NRG1: variants seen among roughly 807,000 people sequenced by gnomAD.
NRG1 encodes neuregulin 1.
A neutral mutation model predicts 63.8 loss-of-function variants in NRG1; 18 were observed. The ratio of observed to expected loss-of-function variants is 0.28; its 90% confidence interval spans 0.19 to 0.42. The LOEUF is 0.42. Among genes scored for constraint, NRG1 ranks in the 10% least tolerant of loss-of-function variants. The pLI, the probability that NRG1 is intolerant of heterozygous loss-of-function variation, is 1.00. For missense variants in NRG1, 762 were observed against 814.7 expected, an observed-to-expected ratio of 0.94 and a Z score of 0.79; for synonymous variants, 302 against 301.3, an observed-to-expected ratio of 1.00 and a Z score of -0.02.
intron 2 of NRG1, among the ~76,000 whole-genome samples, chr8:32,596,279 T>C (rs1420216078): frequency 1.3e-5 from 2 of 152,036 alleles, no homozygotes; most frequent in Non-Finnish European, 2.9e-5. Context: ...AGAGCATTAG[T>C]GGTAGATGCT....
intron 1 of NRG1, among the ~76,000 whole-genome samples, chr8:32,276,647 G>A (rs1206008136): frequency 6.6e-6 from 1 of 152,088 alleles, no homozygotes; most frequent in Non-Finnish European, 1.5e-5. Flanking sequence ...TAGGACTACA[G>A]GTATGCACCA....
chr8:32,077,403 A>C (rs1163719545), intron 1 of NRG1, among the ~76,000 whole-genome samples: 1 of 152,106 alleles, frequency 6.6e-6, no homozygotes, highest in Non-Finnish European at 1.5e-5. Flanking sequence ...TACAAGCATA[A>C]ATATGAATAT....
chr8:32,171,471 T>A (rs568538275), intron 1 of NRG1: 1 of 152,492 alleles, frequency 6.6e-6, no homozygotes, highest in South Asian at 2.1e-4. Flanking sequence ...ACTGGGCTTA[T>A]CTCACTGGGG....
rs35827479 is a variant in NRG1, at chr8:31,899,109, C to CT, written c.37+259690dup. On this transcript the variant is annotated intron_variant, in intron 1 of 10. Transcript: ENST00000519301. ...ATATATTAAAAAATTTTTAAGTTTC[C>CT]TTTTTTTTTTTTGAGGCAGGGTCTT... Among the ~76,000 whole-genome samples the CT allele has an allele frequency of 2.8e-3, 419 of 147,618 alleles. 1 individual carries two copies. Among genetic ancestry groups the CT allele is most frequent in the Middle Eastern group, 0.01 (3 of 286 alleles).
intron 1 of NRG1, among the ~76,000 whole-genome samples, chr8:31,713,407 C>T (rs117488866): frequency 0.027 from 4,034 of 152,204 alleles, 94 homozygotes; most frequent in Middle Eastern, 0.037. Flanking sequence ...TGAGCCACCA[C>T]GCCTGGCCAC....
At chr8:32,582,495 G>A (rs537808818) in intron 1 of NRG1, among the ~76,000 whole-genome samples, 6 of 152,136 alleles carry the variant, frequency 3.9e-5, no homozygotes, top group Admixed American at 6.6e-5. Context: ...TAAAATGAGC[G>A]GTTATTGATG....
chr8:32,437,432 A>T (rs1818932171), intron 1 of NRG1, among the ~76,000 whole-genome samples: 1 of 152,194 alleles, frequency 6.6e-6, no homozygotes, highest in Admixed American at 6.5e-5. Context: ...GACAGAAAGG[A>T]TAGGTCATGT....
intron 1 of NRG1, among the ~76,000 whole-genome samples, chr8:31,742,587 G>A (rs1016697296): frequency 1.4e-5 from 2 of 145,098 alleles, no homozygotes; most frequent in African/African-American, 2.6e-5. Flanking sequence ...ATCATGTCTT[G>A]TACTAAATTT....
intron 5 of NRG1, among the ~76,000 whole-genome samples, chr8:32,665,674 T>C (rs1251734232): frequency 6.6e-6 from 1 of 152,184 alleles, no homozygotes; most frequent in Non-Finnish European, 1.5e-5. Context: ...AGGGTGCAAT[T>C]TCTACTTGTA....
In NRG1 at chr8:32,742,191, A is replaced by T. The variant is rs1418438748; in HGVS notation, c.633-484A>T. The T allele has an allele frequency of 2.0e-5, 17 of 845,714 alleles. No homozygotes were observed. The highest frequency in any genetic ancestry group is 2.9e-5 in the Non-Finnish European group (15 of 513,634). 52.4% of individuals were successfully genotyped at this position (845,714 alleles called of 1,614,324 possible). A position where few individuals can be genotyped will look rare whatever the true frequency, so the allele number is the denominator to read the frequency against. On this transcript the variant is annotated intron_variant, in intron 6 of 11. Transcript: ENST00000356819. The surrounding 1 kb of genome is among the most constrained non-coding windows in gnomAD (Gnocchi z 4.2). ...TTCATTTTGTTCTAATTATGGCTTA[A>T]CCTCTCAAGGCATAAACCCATTCAG...
intron 1 of NRG1, among the ~76,000 whole-genome samples, chr8:32,315,351 C>T (rs1857265007): frequency 6.6e-6 from 1 of 152,154 alleles, no homozygotes; most frequent in African/African-American, 2.4e-5. Flanking sequence ...TTTTCTGTTC[C>T]TTATGTTAGT....
chr8:32,766,590 A>C (rs1831447944), exon 12 of NRG1: 1 of 152,254 alleles, frequency 6.6e-6, no homozygotes, highest in Non-Finnish European at 1.5e-5. Flanking sequence ...GGGTACTCAG[A>C]TATCCCATTG....
At chr8:31,898,352 T>C (rs1831773567) in intron 1 of NRG1, among the ~76,000 whole-genome samples, 1 of 152,220 alleles carries the variant, frequency 6.6e-6, no homozygotes, top group Non-Finnish European at 1.5e-5. Context: ...GTGCTTCATA[T>C]ATATTATTGT....
intron 1 of NRG1, among the ~76,000 whole-genome samples, chr8:32,045,011 C>A (rs1185202995): frequency 1.5e-5 from 2 of 136,614 alleles, no homozygotes; most frequent in Non-Finnish European, 1.6e-5. Context: ...AACAGTAGAA[C>A]AAATTAATGA....
chr8:32,065,393 G>A (rs866299580), intron 1 of NRG1, among the ~76,000 whole-genome samples: 30 of 151,900 alleles, frequency 2.0e-4, no homozygotes, highest in Non-Finnish European at 2.9e-4. Context: ...GTGATGTTCC[G>A]CTTCCCGTGT....
chr8:32,199,111 T>C (rs1056957419), intron 1 of NRG1, among the ~76,000 whole-genome samples: 8 of 152,156 alleles, frequency 5.3e-5, no homozygotes, highest in Non-Finnish European at 1.0e-4. Flanking sequence ...TTTGTCTGGC[T>C]TTTTATAAGC....
chr8:31,939,872 T>G (rs975234095), intron 1 of NRG1, among the ~76,000 whole-genome samples: 1 of 152,134 alleles, frequency 6.6e-6, no homozygotes, highest in Non-Finnish European at 1.5e-5. Flanking sequence ...AATACCGCAA[T>G]TCTAAATATA....
At chr8:31,834,634 C>G (rs1325600110) in intron 1 of NRG1, among the ~76,000 whole-genome samples, 9 of 152,076 alleles carry the variant, frequency 5.9e-5, no homozygotes. Context: ...TTGCTTGAGC[C>G]CAGGAGACTG....
Position 32,673,455 on chromosome 8 carries a change from A to G in NRG1, c.503-54494A>G, listed in dbSNP as rs539033961. On this transcript the variant is annotated intron_variant, in intron 5 of 11. Transcript: ENST00000356819. ...GTAATAAATGACAGTCATAACAAAT[A>G]CAGTAATTAAAATACAGTTGTTTTA... 7.2e-5 allele frequency among the ~76,000 whole-genome samples: 11 copies of G among 152,310 alleles called. No homozygotes were observed. The East Asian group carries it at 1.2e-3, about 16-fold the overall frequency.
Sources: gnomAD v4.1 joint callset for allele counts (sites outside exome capture counted in the v4.1 genomes callset) on GRCh38, gnomAD v4.1.1 for gene constraint, Gnocchi (gnomAD v3.1) non-coding constraint, MANE v1.5 for transcripts, NCBI Gene and HGNC (gene_info 2026-07-23, HGNC 2026-07-21) for gene names.